Variants in PDXDC1 observed in about 807,000 individuals in gnomAD.
PDXDC1 encodes the protein pyridoxal dependent decarboxylase domain containing 1.
PDXDC1 carries 42 observed loss-of-function variants against 100.1 expected under a neutral mutation model. The observed-to-expected ratio is 0.42, with a 90% CI of 0.33 to 0.54. The LOEUF is 0.54. Ranked by LOEUF, PDXDC1 falls within the 20% of genes least tolerant of loss-of-function variation. The pLI, the probability that PDXDC1 is intolerant of heterozygous loss-of-function variation, is 0.10. For missense variants in PDXDC1, 636 were observed against 979.2 expected (o/e 0.65, Z 4.68); for synonymous variants, 260 against 371.7 (o/e 0.70, Z 3.46).
chr16:15,133,267 G>A (rs1053149338), intron 16 of PDXDC1: 21 of 1,576,870 alleles, frequency 1.3e-5, no homozygotes, highest in East Asian at 4.5e-5. Flanking sequence ...CACTCACCTC[G>A]TTCAGGACGG....
At chr16:15,085,271 T>C (rs1028384588) in intron 16 of PDXDC1, among the ~76,000 whole-genome samples, 1 of 151,898 alleles carries the variant, frequency 6.6e-6, no homozygotes, top group Non-Finnish European at 1.5e-5. Flanking sequence ...ACATCAAAGG[T>C]TGTCATTTGT....
At chr16:15,095,453 C>T (rs895206314) in intron 16 of PDXDC1, among the ~76,000 whole-genome samples, 14 of 152,156 alleles carry the variant, frequency 9.2e-5, no homozygotes, top group Middle Eastern at 6.8e-3. Context: ...CCCAGCTACT[C>T]GGGAGGCTGA....
chr16:15,085,899 T>G (rs1201119601), intron 16 of PDXDC1, among the ~76,000 whole-genome samples: 1 of 152,162 alleles, frequency 6.6e-6, no homozygotes. Flanking sequence ...GGCTAAAAAT[T>G]CCTAGATTTC....
In PDXDC1 at chr16:15,035,480, C is replaced by G. The variant is rs1302567581; in HGVS notation, c.2034C>G (p.Val678=). 6.2e-7 allele frequency: 1 copy of G among 1,611,876 alleles called. No homozygotes were observed. Among genetic ancestry groups the G allele is most frequent in the African/African-American group, 1.3e-5 (1 of 74,834 alleles). The change falls in exon 22 of 23, where the codon GTC becomes GTG. Residue 678 remains valine (V), a synonymous_variant. Transcript: ENST00000396410. ...GSLESTEPIY[V]YKAQGAGVTL... is the part of the protein sequence containing the mutation. ...TGGAGTCCACAGAACCCATATATGT[C>G]TACAAAGCACAAGGTGCAGGAGTCA...
At chr16:15,064,466 C>A (rs1383657650) in intron 16 of PDXDC1, among the ~76,000 whole-genome samples, 1 of 152,150 alleles carries the variant, frequency 6.6e-6, no homozygotes, top group African/African-American at 2.4e-5. Flanking sequence ...TGAGCCATTA[C>A]GCCCAGCCAA....
chr16:15,045,503 G>A (rs1211706136), intron 16 of PDXDC1: 1 of 152,136 alleles, frequency 6.6e-6, no homozygotes, highest in Non-Finnish European at 1.5e-5. Flanking sequence ...CAGGTGTGCT[G>A]GCATATACCT....
intron 16 of PDXDC1, among the ~76,000 whole-genome samples, chr16:15,053,847 G>A (rs542958465): frequency 2.6e-5 from 4 of 152,296 alleles, no homozygotes; most frequent in South Asian, 2.1e-4. Flanking sequence ...GGGAGACAGA[G>A]GTTGCAGTGA....
intron 17 of PDXDC1, 192 bp from the exon 18 acceptor site, chr16:15,032,669 A>AAAAAAAAAAAAAAAAAAAAAGT: frequency 2.2e-6 from 1 of 448,488 alleles, no homozygotes. Context: ...AAAAAAAAAA[A>AAAAAAAAAAAAAAAAAAAAAGT]GGCTTTCCTG....
intron 22 of PDXDC1, 60 bp downstream of exon 22, chr16:15,035,613 C>G: frequency 1.0e-6 from 1 of 968,062 alleles, no homozygotes; most frequent in Non-Finnish European, 1.5e-6. Context: ...CTGTTACTTG[C>G]GTTTGTTTTC....
intron 1 of PDXDC1, among the ~76,000 whole-genome samples, chr16:14,986,430 C>T (rs1221970437): frequency 6.6e-6 from 1 of 152,290 alleles, no homozygotes; most frequent in Non-Finnish European, 1.5e-5. Flanking sequence ...GATCAAGCCA[C>T]TGCACTCCAG....
chr16:15,146,962 T>C, the PDXDC1 span, among the ~76,000 whole-genome samples: 1 of 152,080 alleles, frequency 6.6e-6, no homozygotes, highest in African/African-American at 2.4e-5. Context: ...GTGGAGGCGC[T>C]GGGACGTGAA....
rs1191656640 is a variant in PDXDC1, at chr16:14,997,771, G to C, written c.40G>C (p.Ala14Pro). 6.2e-7 allele frequency: 1 copy of C among 1,610,860 alleles called. No individual in the cohort carries two copies. The highest frequency in any genetic ancestry group is 8.5e-7 in the Non-Finnish European group (1 of 1,179,344). Residue 14 changes from alanine to proline, a missense_variant, in exon 2 of 23, where the codon GCT becomes CCT. By Grantham distance (27) the Ala-to-Pro change is conservative. Coordinates refer to ENST00000396410, the MANE Select transcript of PDXDC1 (RefSeq NM_015027.4). ...TTCCCAGATAGCAGACCCCACGTTAGCTGAAATGGGAAAAAACTTGAAGGA... is the reference window on the plus strand; with the variant it reads ...TTCCCAGATAGCAGACCCCACGTTACCTGAAATGGGAAAAAACTTGAAGGA... ...SLEKIADPTL[A>P]EMGKNLKEAV...
Position 15,127,006 on chromosome 16 carries a change from G to A in PDXDC1, c.1400-11873G>A, listed in dbSNP as rs572012217. 4 of 340,066 alleles carry A rather than the reference G, an allele frequency of 1.2e-5. 1 individual carries two copies. The highest frequency in any genetic ancestry group is 7.0e-5 in the South Asian group (3 of 43,034). 21.1% of individuals were successfully genotyped at this position (340,066 alleles called of 1,614,324 possible). A position where few individuals can be genotyped will look rare whatever the true frequency, so the allele number is the denominator to read the frequency against. On this transcript the variant is annotated intron_variant, in intron 16 of 16. Coordinates refer to the PDXDC1 transcript ENST00000535621. ...TGGTCTTGCTATGTTGCCCAGGCTG[G>A]TCTCAAACTCCTGGACTCAGATCCG...
chr16:15,074,371 T>C (rs1163442623), intron 16 of PDXDC1, among the ~76,000 whole-genome samples: 1 of 152,208 alleles, frequency 6.6e-6, no homozygotes, highest in Admixed American at 6.5e-5. Context: ...AAAGACCCTC[T>C]AAACTCAATA....
At position 15,094,060 on chromosome 16, in the gene PDXDC1, G is replaced by A. The variant is rs1196847455; in HGVS notation, c.1400-44819G>A. 7 of 1,238,508 alleles carry A rather than the reference G, an allele frequency of 5.7e-6. No homozygotes were observed. In the Admixed American group the frequency reaches 6.0e-5, roughly 11 times the overall value. 76.7% of individuals were successfully genotyped at this position (1,238,508 alleles called of 1,614,324 possible). On this transcript the variant is annotated intron_variant, in intron 16 of 16. Coordinates refer to the PDXDC1 transcript ENST00000535621. ...GCTCCTATCACACGCCATGAGCTTT[G>A]TCCCACATCCTTTCAATCCGCTCCT...
chr16:14,994,886 T>C (rs1472250732), intron 1 of PDXDC1, among the ~76,000 whole-genome samples: 1 of 152,304 alleles, frequency 6.6e-6, no homozygotes, highest in Non-Finnish European at 1.5e-5. Flanking sequence ...CTAGGTATTT[T>C]ATTCTCTTTG....
At chr16:15,028,376 C>T (rs2042787616) in intron 14 of PDXDC1, among the ~76,000 whole-genome samples, 1 of 152,292 alleles carries the variant, frequency 6.6e-6, no homozygotes, top group Admixed American at 6.5e-5. Context: ...CTATCAGAGC[C>T]CCCAGCTTCA....
chr16:15,150,128 A>C, the PDXDC1 span, among the ~76,000 whole-genome samples: 1 of 151,512 alleles, frequency 6.6e-6, no homozygotes, highest in Non-Finnish European at 1.5e-5. Context: ...GTGGATCACG[A>C]GGTCAGGAGA....
the PDXDC1 span, among the ~76,000 whole-genome samples, chr16:15,146,549 A>C: frequency 6.6e-6 from 1 of 152,132 alleles, no homozygotes; most frequent in Admixed American, 6.5e-5. Context: ...CACAAGCAGG[A>C]GTAGGCCGGG....
Sources: allele counts gnomAD v4.1 joint callset (sites outside exome capture counted in the v4.1 genomes callset), GRCh38; gene constraint gnomAD v4.1.1; transcripts MANE v1.5; gene names NCBI Gene and HGNC (gene_info 2026-07-23, HGNC 2026-07-21).